CTNNA3: variants seen among roughly 807,000 people sequenced by gnomAD.
CTNNA3 encodes catenin alpha-3.
In CTNNA3, 76 loss-of-function variants were observed where a neutral mutation model predicts 95.7. That is an observed-to-expected ratio of 0.79 (90% CI 0.66 to 0.96). The LOEUF is 0.96. CTNNA3 is among the 40% of genes least tolerant of loss of function. CTNNA3 has a pLI of 0.00. For synonymous variants in CTNNA3, 431 were observed against 374.4 expected, an observed-to-expected ratio of 1.15 and a Z score of -1.74; for missense variants, 1,191 against 1,089.8, an observed-to-expected ratio of 1.09 and a Z score of -1.31.
intron 7 of CTNNA3, among the ~76,000 whole-genome samples, chr10:66,847,204 GT>G (rs1775996840): frequency 6.6e-6 from 1 of 152,132 alleles, no homozygotes; most frequent in African/African-American, 2.4e-5. Flanking sequence ...GAGTTTTTGT[GT>G]TTTCTTTTTA....
intron 5 of CTNNA3, among the ~76,000 whole-genome samples, chr10:67,309,076 A>C (rs538697911): frequency 6.6e-6 from 1 of 152,216 alleles, no homozygotes; most frequent in Non-Finnish European, 1.5e-5. Context: ...GCACCATTAC[A>C]ATTATGACTC....
chr10:66,788,545 T>G (rs748852042), intron 7 of CTNNA3, among the ~76,000 whole-genome samples: 5 of 152,178 alleles, frequency 3.3e-5, no homozygotes, highest in Non-Finnish European at 5.9e-5. Flanking sequence ...GCAGTGTGGC[T>G]CAGAGAGCCA....
chr10:67,362,376 A>C (rs1266269306), intron 5 of CTNNA3, among the ~76,000 whole-genome samples: 1 of 152,192 alleles, frequency 6.6e-6, no homozygotes, highest in Non-Finnish European at 1.5e-5. Flanking sequence ...AATCCCCAGC[A>C]AAATACTAGC....
chr10:66,043,463 C>A (rs2079751547), intron 15 of CTNNA3, among the ~76,000 whole-genome samples: 2 of 152,088 alleles, frequency 1.3e-5, no homozygotes, highest in Admixed American at 1.3e-4. Context: ...TTATCCAGAG[C>A]AATTGCAATT....
At chr10:67,179,241 C>T (rs959501938) in intron 7 of CTNNA3, among the ~76,000 whole-genome samples, 1 of 151,868 alleles carries the variant, frequency 6.6e-6, no homozygotes, top group African/African-American at 2.4e-5. Context: ...GCTATTATAA[C>T]TTTCATTTTG....
At chr10:66,394,001 G>GA (rs2092954604) in intron 11 of CTNNA3, among the ~76,000 whole-genome samples, 2 of 152,104 alleles carry the variant, frequency 1.3e-5, no homozygotes, top group South Asian at 4.1e-4. Flanking sequence ...AATGGGAAGG[G>GA]AAAATCATAG....
At chr10:67,616,493 T>G (rs1293722867) in intron 2 of CTNNA3, among the ~76,000 whole-genome samples, 1 of 152,112 alleles carries the variant, frequency 6.6e-6, no homozygotes, top group African/African-American at 2.4e-5. Context: ...GAGGAAGCAG[T>G]GGCGGAGTTA....
chr10:67,234,783 T>A (rs1401984592), intron 5 of CTNNA3, among the ~76,000 whole-genome samples: 6 of 152,110 alleles, frequency 3.9e-5, no homozygotes, highest in Non-Finnish European at 7.4e-5. Context: ...CAGCCCAGAA[T>A]CTCCTTAAGC....
chr10:66,363,203 T>C (rs2092689020), intron 12 of CTNNA3, among the ~76,000 whole-genome samples: 1 of 152,198 alleles, frequency 6.6e-6, no homozygotes, highest in Admixed American at 6.5e-5. Flanking sequence ...CAAAATAATT[T>C]TAGTTTGAAG....
chr10:67,551,219 C>T (rs1219317560), intron 3 of CTNNA3, among the ~76,000 whole-genome samples: 2 of 152,086 alleles, frequency 1.3e-5, no homozygotes, highest in Non-Finnish European at 2.9e-5. Flanking sequence ...AGCAGCTGAA[C>T]ATTGAGAGGG....
At chr10:66,710,707 A>G (rs548907014) in intron 9 of CTNNA3, among the ~76,000 whole-genome samples, 2 of 151,936 alleles carry the variant, frequency 1.3e-5, no homozygotes, top group Non-Finnish European at 2.9e-5. Flanking sequence ...TATCTCTGTG[A>G]TAATATATAT....
At chr10:66,082,253 A>C (rs2080794831) in intron 14 of CTNNA3, among the ~76,000 whole-genome samples, 1 of 152,106 alleles carries the variant, frequency 6.6e-6, no homozygotes, top group Non-Finnish European at 1.5e-5. Flanking sequence ...ACATCACCAG[A>C]AATAAGATCT....
intron 10 of CTNNA3, 36 bp downstream of exon 10, chr10:66,621,656 T>C (rs775492224): frequency 2.4e-6 from 3 of 1,242,332 alleles, no homozygotes; most frequent in Admixed American, 2.1e-5. Context: ...GAATTATATA[T>C]AATTTTACAC....
chr10:66,959,690 C>T (rs1849012602), intron 7 of CTNNA3, among the ~76,000 whole-genome samples: 1 of 152,206 alleles, frequency 6.6e-6, no homozygotes, highest in African/African-American at 2.4e-5. Flanking sequence ...ACTGAACTTA[C>T]TTGTCCCTCA....
intron 11 of CTNNA3, among the ~76,000 whole-genome samples, chr10:66,494,467 T>C (rs1395301606): frequency 6.6e-6 from 1 of 152,212 alleles, no homozygotes; most frequent in Non-Finnish European, 1.5e-5. Context: ...GTAGAAGCTA[T>C]GGCTTATCAT....
intron 7 of CTNNA3, among the ~76,000 whole-genome samples, chr10:66,953,573 T>C (rs1244780453): frequency 2.0e-5 from 3 of 152,180 alleles, no homozygotes; most frequent in Non-Finnish European, 2.9e-5. Flanking sequence ...TTATGACTCA[T>C]GGGTTTTGTT....
intron 9 of CTNNA3, among the ~76,000 whole-genome samples, chr10:66,751,123 C>T (rs1250837068): frequency 6.6e-6 from 1 of 151,974 alleles, no homozygotes; most frequent in African/African-American, 2.4e-5. Flanking sequence ...CAAAAATTAG[C>T]CAGGCATGGT....
intron 9 of CTNNA3, among the ~76,000 whole-genome samples, chr10:66,666,199 T>C (rs1440093397): frequency 4.6e-5 from 7 of 152,160 alleles, no homozygotes; most frequent in Admixed American, 3.9e-4. Context: ...ACTGTCTACT[T>C]TGGAGTATGA....
intron 7 of CTNNA3, among the ~76,000 whole-genome samples, chr10:66,849,880 T>C (rs1843421436): frequency 6.7e-6 from 1 of 150,044 alleles, no homozygotes; most frequent in Non-Finnish European, 1.5e-5. Flanking sequence ...TTATTGAATG[T>C]AGATTTTGAA....
Sources: gnomAD v4.1 joint callset for allele counts (sites outside exome capture counted in the v4.1 genomes callset) on GRCh38, gnomAD v4.1.1 for gene constraint, MANE v1.5 for transcripts, NCBI Gene and HGNC (gene_info 2026-07-23, HGNC 2026-07-21) for gene names.